RANBP3: variants seen among roughly 807,000 people sequenced by gnomAD.
The protein encoded by RANBP3 is ran-binding protein 3.
Under a neutral mutation model 77.3 loss-of-function variants are expected in RANBP3, and 14 were observed. The ratio of observed to expected loss-of-function variants is 0.18; its 90% CI spans 0.12 to 0.28. The LOEUF (loss-of-function observed/expected upper bound fraction) is 0.28. Among genes scored for constraint, RANBP3 ranks in the 10% least tolerant of loss-of-function variants. The pLI is 1.00. For missense variants in RANBP3, 586 were observed against 752.3 expected (o/e 0.78, Z 2.59); for synonymous variants, 315 against 312.4 (o/e 1.01, Z -0.09).
intron 13 of RANBP3, among the ~76,000 whole-genome samples, 176 bp downstream of exon 13, chr19:5,923,018 G>C (rs2057845706): frequency 1.3e-5 from 2 of 152,192 alleles, no homozygotes; most frequent in South Asian, 2.1e-4. Flanking sequence ...AGAAGCCCCT[G>C]AGCCTAAGCT....
At chr19:5,963,841 C>A (rs1171854496) in intron 1 of RANBP3, among the ~76,000 whole-genome samples, 1 of 152,170 alleles carries the variant, frequency 6.6e-6, no homozygotes, top group Non-Finnish European at 1.5e-5. Context: ...ATGGCTGCTG[C>A]TGAATTCAGA....
At position 5,931,200 on chromosome 19, in the gene RANBP3, C is replaced by T. The variant is rs76505415; in HGVS notation, c.693+204G>A. ...CTCTTCTTCTGCCTGACCAGCAAGA[C>T]CACCCTTGGGAATCTAGATCTGGTT... On this transcript the variant is annotated intron_variant, in intron 8 of 16. Coordinates refer to ENST00000340578, the MANE Select transcript of RANBP3 (RefSeq NM_007322.3). Among the ~76,000 whole-genome samples, 2,952 of 152,296 alleles carry T rather than the reference C, an allele frequency of 0.019. 94 individuals are homozygous for T. Among genetic ancestry groups the T allele is most frequent in the African/African-American group, 0.068 (2,822 of 41,548 alleles).
chr19:5,971,690 G>C (rs1460757750), intron 1 of RANBP3, among the ~76,000 whole-genome samples: 1 of 152,234 alleles, frequency 6.6e-6, no homozygotes, highest in Admixed American at 6.5e-5. Flanking sequence ...TATGCTATCT[G>C]AGTTCTAGCA....
At chr19:5,953,447 T>TA (rs574556437) in intron 2 of RANBP3, among the ~76,000 whole-genome samples, 275 of 152,328 alleles carry the variant, frequency 1.8e-3, no homozygotes, top group Non-Finnish European at 2.5e-3. Flanking sequence ...AAAGCAGGTC[T>TA]AAACACCCTA....
chr19:5,969,634 C>T (rs1036544249), intron 1 of RANBP3, among the ~76,000 whole-genome samples: 5 of 152,322 alleles, frequency 3.3e-5, no homozygotes, highest in South Asian at 4.1e-4. Context: ...ACTGACTCAC[C>T]GGGAAGGACA....
chr19:5,961,960 T>A (rs959968838), intron 1 of RANBP3, among the ~76,000 whole-genome samples: 1 of 151,762 alleles, frequency 6.6e-6, no homozygotes, highest in African/African-American at 2.4e-5. Context: ...TTGTTTTCCA[T>A]GGCCAGTGCT....
At chr19:5,977,993 T>A (rs2058618126) in intron 1 of RANBP3, 68 bp downstream of exon 1, 1 of 1,594,586 alleles carries the variant, frequency 6.3e-7, no homozygotes, top group African/African-American at 1.4e-5. Flanking sequence ...CCCAAGGGCT[T>A]GTGGCCCCTA....
At chr19:5,937,326 A>G (rs2058080392) in intron 5 of RANBP3, among the ~76,000 whole-genome samples, 1 of 152,132 alleles carries the variant, frequency 6.6e-6, no homozygotes, top group South Asian at 2.1e-4. Flanking sequence ...AGTACTGTGC[A>G]TGGCTTCTGT....
At chr19:5,977,973 C>T in intron 1 of RANBP3, 88 bp downstream of exon 1, 1 of 1,540,096 alleles carries the variant, frequency 6.5e-7, no homozygotes, top group Non-Finnish European at 8.8e-7. Flanking sequence ...TTGCACTCTG[C>T]GGTGCTCCCC....
intron 5 of RANBP3, among the ~76,000 whole-genome samples, chr19:5,938,318 T>A (rs1300109482): frequency 6.6e-6 from 1 of 152,198 alleles, no homozygotes; most frequent in Non-Finnish European, 1.5e-5. Context: ...CAGGAAACCT[T>A]GGAGTTGGTT....
At chr19:5,968,447 C>A (rs2058493591) in intron 1 of RANBP3, among the ~76,000 whole-genome samples, 1 of 152,186 alleles carries the variant, frequency 6.6e-6, no homozygotes, top group African/African-American at 2.4e-5. Context: ...CTGCACATGC[C>A]GTGTTTGGGG....
chr19:5,921,147 T>C lies in RANBP3; in HGVS notation c.1330+54A>G. 6.3e-7 allele frequency: 1 copy of C among 1,576,602 alleles called. No homozygotes were observed. Among genetic ancestry groups the C allele is most frequent in the African/African-American group, 1.4e-5 (1 of 74,026 alleles). ...CTTCATTCCCTTTGGAATTGCATAG[T>C]CCCCAGCCCTCCCCATGGGGACCCG... is the stretch of plus-strand genomic sequence containing the variant. On this transcript the variant is annotated intron_variant, in intron 14 of 16. Coordinates refer to ENST00000340578, the MANE Select transcript of RANBP3 (RefSeq NM_007322.3). The surrounding 1 kb of genome is among the most constrained non-coding windows in gnomAD (Gnocchi z 5.3).
At position 5,924,877 on chromosome 19, in the gene RANBP3, C is replaced by T. The variant is rs369027613; in HGVS notation, c.946G>A (p.Ala316Thr). The T allele has an allele frequency of 1.1e-5, 17 of 1,614,038 alleles. No homozygotes were observed. Among genetic ancestry groups the T allele is most frequent in the East Asian group, 4.5e-5 (2 of 44,886 alleles). ...SLENSTNSAD[A>T]SSNKFVFGQN... Reference sequence around the variant, plus strand: ...CCAAATACAAATTTGTTGCTGGAGGCGTCGGCACTATTGGTTGAGTTCTCT... The same window carrying T: ...CCAAATACAAATTTGTTGCTGGAGGTGTCGGCACTATTGGTTGAGTTCTCT... The change falls in exon 11 of 17, where the codon GCC becomes ACC. Residue 316 changes from alanine (A) to threonine (T), a missense_variant. Physicochemically the swap from Ala to Thr is moderately conservative, Grantham distance 58. Around this residue, in one of 5 missense-constraint regions of RANBP3, gnomAD observed 232 missense variants for 271.7 expected, o/e 0.85. Transcript: ENST00000340578. This position sits in a 1 kb window ranked among gnomAD's most constrained non-coding sequence, Gnocchi z 4.7.
chr19:5,923,266 T>C lies in RANBP3; in HGVS notation c.1137A>G (p.Ala379=). The C allele has an allele frequency of 6.2e-7, 1 of 1,614,234 alleles. No individual in the cohort carries two copies. Among genetic ancestry groups the C allele is most frequent in the Non-Finnish European group, 8.5e-7 (1 of 1,180,042 alleles). Residue 379 remains alanine, a synonymous_variant, in exon 13 of 17, where the codon GCA becomes GCG. Coordinates refer to ENST00000340578, the MANE Select transcript of RANBP3 (RefSeq NM_007322.3). ...LAESAAAYTK[A]TARKCLLEKV... ...TTTCCAACAAACACTTCCGCGCTGT[T>C]GCCTTGGTGTAGGCGGCTGCCGACT...
intron 15 of RANBP3, 109 bp downstream of exon 15, chr19:5,918,387 A>AGGGGGGGGGGGGGGGGCGG: frequency 1.9e-6 from 1 of 529,920 alleles, no homozygotes; most frequent in Non-Finnish European, 3.0e-6. Flanking sequence ...AAGCAACTGA[A>AGGGGGGGGGGGGGGGGCGG]GCCCCTCCCC....
chr19:5,933,631 G>C (rs373521118), intron 5 of RANBP3, 152 bp from the exon 6 acceptor site: 1 of 582,498 alleles, frequency 1.7e-6, no homozygotes, highest in Non-Finnish European at 3.0e-6. Flanking sequence ...CAGAAGTCTC[G>C]TCCGATCAGC....
At chr19:5,950,122 A>T (rs1337504503) in intron 3 of RANBP3, among the ~76,000 whole-genome samples, 1 of 152,106 alleles carries the variant, frequency 6.6e-6, no homozygotes, top group Non-Finnish European at 1.5e-5. Flanking sequence ...GACTCAGGAG[A>T]AGTTTCCGGC....
chr19:5,941,133 G>A (rs1156507136), intron 5 of RANBP3, among the ~76,000 whole-genome samples: 1 of 152,214 alleles, frequency 6.6e-6, no homozygotes, highest in Non-Finnish European at 1.5e-5. Flanking sequence ...GGCCTCTGCT[G>A]GGGCCTCCTG....
intron 1 of RANBP3, among the ~76,000 whole-genome samples, chr19:5,963,438 C>A (rs936967589): frequency 2.6e-5 from 4 of 152,132 alleles, no homozygotes; most frequent in Non-Finnish European, 5.9e-5. Flanking sequence ...GTAGTCCCAG[C>A]TACTTGGGAG....
Sources: allele counts gnomAD v4.1 joint callset (sites outside exome capture counted in the v4.1 genomes callset), GRCh38; gene constraint gnomAD v4.1.1; regional missense constraint gnomAD v4.1.1; non-coding constraint Gnocchi (gnomAD v3.1); transcripts MANE v1.5; gene names NCBI Gene and HGNC (gene_info 2026-07-23, HGNC 2026-07-21).